The following MOSPD3 variants were observed in gnomAD, a reference collection of about 807,000 sequenced individuals.
MOSPD3 encodes the protein motile sperm domain-containing protein 3.
MOSPD3 carries 20 observed loss-of-function variants against 23.3 expected under a neutral mutation model. The ratio of observed to expected loss-of-function variants is 0.86; its 90% CI spans 0.61 to 1.25. The LOEUF is 1.25. Ranked by LOEUF, MOSPD3 falls within the 50% of genes most tolerant of loss-of-function variation. The pLI is 0.00. For synonymous variants in MOSPD3, 136 were observed against 135.2 expected, an observed-to-expected ratio of 1.01 and a Z score of -0.04; for missense variants, 307 against 315.7, an observed-to-expected ratio of 0.97 and a Z score of 0.21.
chr7:100,614,846 C>T lies in MOSPD3; in HGVS notation c.512-21C>T. On this transcript the variant is annotated intron_variant, in intron 3 of 4. Transcript: ENST00000393950. ...TGGGCAGGAGTGGGGGCTGCAGCAT[C>T]TGATGAGTCTTGTTTCTCAGACCCC... is the stretch of plus-strand genomic sequence containing the variant. The T allele has an allele frequency of 3.7e-6, 6 of 1,608,142 alleles. 1 individual carries two copies. In the South Asian group the frequency reaches 6.6e-5, roughly 18 times the overall value.
Position 100,612,728 on chromosome 7 carries a change from A to G in MOSPD3, c.-64A>G. ...TCCCCTTTCGCCCCTCACGCCCCCCAGCTCTGACTCCAGGCCCTGTCCCCT... is the reference window on the plus strand; with the variant it reads ...TCCCCTTTCGCCCCTCACGCCCCCCGGCTCTGACTCCAGGCCCTGTCCCCT... On this transcript the variant is annotated 5_prime_UTR_variant, in exon 1 of 5. Coordinates refer to ENST00000393950, the MANE Select transcript of MOSPD3 (RefSeq NM_023948.5). The G allele has an allele frequency of 7.5e-7, 1 of 1,338,400 alleles. No individual in the cohort carries two copies. The highest frequency in any genetic ancestry group is 1.0e-6 in the Non-Finnish European group (1 of 978,756). The allele number at this position is 1,338,400 out of a possible 1,614,324, so 82.9% of individuals were successfully genotyped here.
intron 3 of MOSPD3, among the ~76,000 whole-genome samples, chr7:100,614,598 C>A (rs192624098): frequency 1.3e-5 from 2 of 152,168 alleles, no homozygotes; most frequent in Admixed American, 1.3e-4. Context: ...GACAACATAG[C>A]AAGACCATCT....
chr7:100,613,427 G>A (rs745806680), intron 2 of MOSPD3, 50 bp from the exon 3 acceptor site: 2 of 1,598,846 alleles, frequency 1.3e-6, no homozygotes, highest in African/African-American at 2.7e-5. Flanking sequence ...GATTTCCTTG[G>A]ATTACTGCCT....
In MOSPD3 at chr7:100,613,705, G is replaced by A. The variant is rs765874533; in HGVS notation, c.510G>A (p.Glu170=). Residue 170 remains glutamate, a splice_region_variant and synonymous_variant, in exon 3 of 5, where the codon GAG becomes GAA. Transcript: ENST00000393950. ...TPPPTARHFQ[E]HPRQQLATSS... is the part of the protein sequence containing the mutation. Reference sequence around the variant, plus strand: ...CACCCACGGCCAGACACTTCCAGGAGCGTGAGTTGGGAGACTGGGATCTTG... The same window carrying A: ...CACCCACGGCCAGACACTTCCAGGAACGTGAGTTGGGAGACTGGGATCTTG... 3.4e-5 allele frequency: 55 copies of A among 1,611,232 alleles called. 1 individual carries two copies. Among genetic ancestry groups the A allele is most frequent in the South Asian group, 3.0e-4 (27 of 91,084 alleles).
chr7:100,615,134 T>C lies in MOSPD3; in HGVS notation c.677-18T>C, dbSNP rs1802960194. 1 of 1,614,078 alleles carries C rather than the reference T, an allele frequency of 6.2e-7. No individual in the cohort carries two copies. Among genetic ancestry groups the C allele is most frequent in the Non-Finnish European group, 8.5e-7 (1 of 1,180,006 alleles). On this transcript the variant is annotated intron_variant, in intron 4 of 4. Transcript: ENST00000393950. The stretch of plus-strand genomic sequence containing the variant: ...GGGCTGCCCATGCGACCCTATTCTT[T>C]CTTTGTCCCCCCTCCAGGCCTCCTC...
rs1802962590 is a variant in MOSPD3 at position 100,615,179 on chromosome 7, C to T, written c.704C>T (p.Thr235Ile). The change falls in exon 5 of 5, where the codon ACC (threonine) becomes ATC (isoleucine). Residue 235 changes from threonine (T) to isoleucine (I), a missense_variant. Thr to Ile is a moderately conservative substitution (Grantham distance 89). Transcript: ENST00000393950. ...LGLLTMVFLR[T>I] ...CTCCTCACCATGGTGTTCCTCCGGA[C>T]CTGAGCTCCGTGCTCAACCCCCAGC... The T allele has an allele frequency of 6.2e-7, 1 of 1,613,988 alleles. No homozygotes were observed. Among genetic ancestry groups the T allele is most frequent in the Non-Finnish European group, 8.5e-7 (1 of 1,180,002 alleles).
At position 100,613,259 on chromosome 7, in the gene MOSPD3, T is replaced by A; in HGVS notation, c.271T>A (p.Cys91Ser). ...AGAGGGATATGTGAAGCCCCAGTCT[T>A]GCATTGACATGTGAGTGAGCTGGGA... ...DAEGYVKPQSCIDIVIRHVAP... is the reference protein window; with the variant it reads ...DAEGYVKPQSSIDIVIRHVAP... The change falls in exon 2 of 5, where the codon TGC becomes AGC. Residue 91 changes from cysteine (C) to serine (S), a missense_variant. Cys to Ser is a moderately radical substitution (Grantham distance 112). Transcript: ENST00000393950. 6.2e-7 allele frequency: 1 copy of A among 1,613,946 alleles called. No individual in the cohort carries two copies. The highest frequency in any genetic ancestry group is 8.5e-7 in the Non-Finnish European group (1 of 1,179,952).
rs762219250 is a variant in MOSPD3, at chr7:100,613,682, C to A, written c.487C>A (p.Pro163Thr). 2 of 1,613,252 alleles carry A rather than the reference C, an allele frequency of 1.2e-6. No homozygotes were observed. Among genetic ancestry groups the A allele is most frequent in the Admixed American group, 3.3e-5 (2 of 60,016 alleles). ...RPGPPAGTPP[P>T]TARHFQEHPR... ...AGGGCCTCCTGCTGGGACACCACCA[C>A]CCACGGCCAGACACTTCCAGGAGCG... is the stretch of plus-strand genomic sequence containing the variant. The change falls in exon 3 of 5, where the codon CCC becomes ACC. Residue 163 changes from proline (P) to threonine (T), a missense_variant. Pro to Thr is a conservative substitution (Grantham distance 38, BLOSUM62 -1). Transcript: ENST00000393950.
At position 100,615,262 on chromosome 7, in the gene MOSPD3, C is replaced by T. The variant is rs181315257; in HGVS notation, c.*79C>T. 1.6e-6 allele frequency: 2 copies of T among 1,222,184 alleles called. No individual in the cohort carries two copies. Among genetic ancestry groups the T allele is most frequent in the East Asian group, 6.6e-5 (2 of 30,190 alleles). 75.7% of individuals were successfully genotyped at this position (1,222,184 alleles called of 1,614,324 possible). On this transcript the variant is annotated 3_prime_UTR_variant, in exon 5 of 5. Transcript: ENST00000393950. ...CAGCCACTGTGATGCTCATACCTTA[C>T]CTTGCCTCCTACCCTCTTCTCTTTC...
Position 100,612,819 on chromosome 7 carries a change from G to T in MOSPD3, c.28G>T (p.Glu10Ter). 1 of 1,603,766 alleles carries T rather than the reference G, an allele frequency of 6.2e-7. No homozygotes were observed. The highest frequency in any genetic ancestry group is 8.5e-7 in the Non-Finnish European group (1 of 1,176,942). The change falls in exon 1 of 5, where the codon GAG becomes TAG. Residue 10 changes from glutamate to a stop codon, truncating the protein, a stop_gained. Coordinates refer to ENST00000393950, the MANE Select transcript of MOSPD3 (RefSeq NM_023948.5). LOFTEE classifies it high-confidence loss of function. ...GCGCCGTGGGGCGCCCCAGGACCAG[G>T]AGCTGGTGGGTCCGGGGCCCCCTGG... MRRGAPQDQ[E>*]LVGPGPPGRG...
At position 100,613,674 on chromosome 7, in the gene MOSPD3, C is replaced by A. The variant is rs1802905574; in HGVS notation, c.479C>A (p.Thr160Lys). The change falls in exon 3 of 5, where the codon ACA becomes AAA. Residue 160 changes from threonine to lysine, a missense_variant. Physicochemically the swap from Thr to Lys is moderately conservative, Grantham distance 78. Coordinates refer to ENST00000393950, the MANE Select transcript of MOSPD3 (RefSeq NM_023948.5). ...PAPRPGPPAG[T>K]PPPTARHFQE... ...CCTCGCCCAGGGCCTCCTGCTGGGA[C>A]ACCACCACCCACGGCCAGACACTTC... is the stretch of plus-strand genomic sequence containing the variant. The A allele has an allele frequency of 6.2e-7, 1 of 1,613,320 alleles. No homozygotes were observed. The highest frequency in any genetic ancestry group is 1.1e-5 in the South Asian group (1 of 91,090).
In MOSPD3 at chr7:100,613,715, G is replaced by A. The variant is rs752473175; in HGVS notation, c.511+9G>A. The A allele has an allele frequency of 1.1e-5, 18 of 1,608,398 alleles. No homozygotes were observed. The African/African-American group carries it at 1.7e-4, about 16-fold the overall frequency. On this transcript the variant is annotated intron_variant, in intron 3 of 4. Transcript: ENST00000393950. ...CAGACACTTCCAGGAGCGTGAGTTG[G>A]GAGACTGGGATCTTGAGTTCTGTAG...
intron 1 of MOSPD3, 44 bp from the exon 2 acceptor site, chr7:100,613,150 G>T: frequency 1.2e-6 from 2 of 1,605,078 alleles, no homozygotes; most frequent in South Asian, 2.2e-5. Flanking sequence ...GGACTTAAAT[G>T]ACCCACATGG....
rs1428752946 is a variant in MOSPD3, at chr7:100,613,119, C to T, written c.206-75C>T. On this transcript the variant is annotated intron_variant, in intron 1 of 4. Transcript: ENST00000393950. ...GTGGACTGGGAAAGTCATGTCCAGC[C>T]TCCGGGGCAGAAGGCAGAGGGGACT... 4 of 1,583,906 alleles carry T rather than the reference C, an allele frequency of 2.5e-6. No homozygotes were observed. In the East Asian group the frequency reaches 6.7e-5, roughly 27 times the overall value.
chr7:100,613,670 G>A lies in MOSPD3; in HGVS notation c.475G>A (p.Gly159Arg). ...AGCGCCTCGCCCAGGGCCTCCTGCTGGGACACCACCACCCACGGCCAGACA... is the reference window on the plus strand; with the variant it reads ...AGCGCCTCGCCCAGGGCCTCCTGCTAGGACACCACCACCCACGGCCAGACA... The part of the protein sequence containing the change: ...DPAPRPGPPA[G>R]TPPPTARHFQ... The change falls in exon 3 of 5, where the codon GGG (glycine) becomes AGG (arginine). Residue 159 changes from glycine to arginine, a missense_variant. Coordinates refer to ENST00000393950, the MANE Select transcript of MOSPD3 (RefSeq NM_023948.5). 6.2e-7 allele frequency: 1 copy of A among 1,613,614 alleles called. No individual in the cohort carries two copies. Among genetic ancestry groups the A allele is most frequent in the Non-Finnish European group, 8.5e-7 (1 of 1,180,026 alleles).
At position 100,612,699 on chromosome 7, in the gene MOSPD3, C is replaced by T. The variant is rs950202828; in HGVS notation, c.-93C>T. 4.0e-5 allele frequency: 40 copies of T among 992,678 alleles called. No individual in the cohort carries two copies. Among genetic ancestry groups the T allele is most frequent in the Non-Finnish European group, 5.3e-5 (36 of 678,722 alleles). 61.5% of individuals were successfully genotyped at this position (992,678 alleles called of 1,614,324 possible). ...TCGAGGCCCTGCTCCGGGAGCTCATCTTGTCCCCTTTCGCCCCTCACGCCC... is the reference window on the plus strand; with the variant it reads ...TCGAGGCCCTGCTCCGGGAGCTCATTTTGTCCCCTTTCGCCCCTCACGCCC... On this transcript the variant is annotated 5_prime_UTR_variant, in exon 1 of 5. Transcript: ENST00000393950.
In MOSPD3 at chr7:100,612,725, C is replaced by T. The variant is rs771675742; in HGVS notation, c.-67C>T. On this transcript the variant is annotated 5_prime_UTR_variant, in exon 1 of 5. Coordinates refer to ENST00000393950, the MANE Select transcript of MOSPD3 (RefSeq NM_023948.5). The stretch of plus-strand genomic sequence containing the variant: ...TTGTCCCCTTTCGCCCCTCACGCCC[C>T]CCAGCTCTGACTCCAGGCCCTGTCC... 12 of 1,325,912 alleles carry T rather than the reference C, an allele frequency of 9.1e-6. No individual in the cohort carries two copies. The highest frequency in any genetic ancestry group is 2.7e-4 in the Middle Eastern group (1 of 3,712). The allele number at this position is 1,325,912 out of a possible 1,614,324, so 82.1% of individuals were successfully genotyped here. A position where few individuals can be genotyped will look rare whatever the true frequency, so the allele number is the denominator to read the frequency against.
intron 3 of MOSPD3, among the ~76,000 whole-genome samples, chr7:100,614,588 G>A (rs1209858411): frequency 6.6e-6 from 1 of 152,016 alleles, no homozygotes; most frequent in Non-Finnish European, 1.5e-5. Flanking sequence ...GATCAGCTTG[G>A]ACAACATAGC....
upstream of MOSPD3, chr7:100,612,328 C>T (rs1018579444): frequency 2.6e-5 from 4 of 153,088 alleles, no homozygotes; most frequent in Admixed American, 1.3e-4. Context: ...GAGACGCAAA[C>T]ACAGGTCTCC....
Sources: gnomAD v4.1 joint callset for allele counts (sites outside exome capture counted in the v4.1 genomes callset) on GRCh38, gnomAD v4.1.1 for gene constraint, MANE v1.5 for transcripts, NCBI Gene and HGNC (gene_info 2026-07-23, HGNC 2026-07-21) for gene names.